The following CUBN variants were observed in gnomAD, a reference collection of about 807,000 sequenced individuals.
CUBN encodes 460 kDa receptor.
CUBN carries 282 observed loss-of-function variants against 405.3 expected under a neutral mutation model. That is an observed-to-expected ratio of 0.70 (90% CI 0.63 to 0.77). The LOEUF (loss-of-function observed/expected upper bound fraction) is 0.77. Ranked by LOEUF, CUBN falls within the 30% of genes least tolerant of loss-of-function variation. CUBN has a pLI of 0.00. For synonymous variants in CUBN, 1,684 were observed against 1,617.0 expected (o/e 1.04, Z -0.99); for missense variants, 4,514 against 4,475.2 (o/e 1.01, Z -0.25).
At chr10:16,848,762 T>C (rs767688256) in intron 60 of CUBN, among the ~76,000 whole-genome samples, 5 of 144,740 alleles carry the variant, frequency 3.5e-5, no homozygotes, top group African/African-American at 5.2e-5. Context: ...TGTGCAGTGA[T>C]GCAATCACGA....
intron 56 of CUBN, among the ~76,000 whole-genome samples, chr10:16,883,116 T>C (rs1427304494): frequency 6.6e-6 from 1 of 151,116 alleles, no homozygotes. Context: ...AAGAAAGAAA[T>C]GGGTTCTAGG....
At chr10:16,903,543 G>A (rs560912367) in intron 51 of CUBN, among the ~76,000 whole-genome samples, 119 of 151,278 alleles carry the variant, frequency 7.9e-4, no homozygotes, top group African/African-American at 2.5e-3. Flanking sequence ...AAACTAATAA[G>A]AGGATAGCTA....
intron 54 of CUBN, among the ~76,000 whole-genome samples, chr10:16,898,330 G>A (rs890958757): frequency 2.0e-5 from 3 of 151,986 alleles, no homozygotes; most frequent in African/African-American, 7.3e-5. Context: ...ATAACTTAAA[G>A]GCCAATTGTT....
At chr10:16,891,952 A>T (rs961399706) in intron 54 of CUBN, among the ~76,000 whole-genome samples, 1 of 152,188 alleles carries the variant, frequency 6.6e-6, no homozygotes, top group Non-Finnish European at 1.5e-5. Flanking sequence ...ATGTAGTTGG[A>T]TGTGTATTAA....
At chr10:17,104,699 T>C in intron 11 of CUBN, 94 bp from the exon 12 acceptor site, 1 of 341,000 alleles carries the variant, frequency 2.9e-6, no homozygotes, top group Non-Finnish European at 5.4e-6. Flanking sequence ...GCCATGGAGA[T>C]ATATAATATA....
Position 16,954,370 on chromosome 10 carries a change from A to G in CUBN, c.4855+19T>C. ...CTGAAGATTTCTCTTGTGCCTGGGAAGATCCACAGGGTACTTGCCTTGCCT... is the reference window on the plus strand; with the variant it reads ...CTGAAGATTTCTCTTGTGCCTGGGAGGATCCACAGGGTACTTGCCTTGCCT... On this transcript the variant is annotated intron_variant, in intron 32 of 66. Coordinates refer to ENST00000377833, the MANE Select transcript of CUBN (RefSeq NM_001081.4). 1.2e-6 allele frequency: 2 copies of G among 1,614,024 alleles called. No individual in the cohort carries two copies. The highest frequency in any genetic ancestry group is 1.7e-6 in the Non-Finnish European group (2 of 1,179,906).
Position 16,907,510 on chromosome 10 carries a change from G to C in CUBN, c.7703C>G (p.Ala2568Gly). 9.3e-6 allele frequency: 15 copies of C among 1,614,000 alleles called. No homozygotes were observed. The highest frequency in any genetic ancestry group is 1.3e-5 in the Non-Finnish European group (15 of 1,179,924). ...FTASYTSSED[A>G]VCGGSLPNTP... ...GCATTTACAACATCCTACATTACCT[G>C]CATCTTCACTGGAGGTATAGGAAGC... is the stretch of plus-strand genomic sequence containing the variant. Residue 2568 changes from alanine to glycine, a missense_variant and splice_region_variant, in exon 49 of 67, where the codon GCA (alanine) becomes GGA (glycine). By Grantham distance (60) the Ala-to-Gly change is moderately conservative (BLOSUM62 0). Around this residue, in one of 5 missense-constraint regions of CUBN, gnomAD observed 1,613 missense variants for 1,542.8 expected, o/e 1.05. Transcript: ENST00000377833.
chr10:17,091,637 A>G (rs926622689), intron 14 of CUBN, among the ~76,000 whole-genome samples: 5 of 152,206 alleles, frequency 3.3e-5, no homozygotes, highest in African/African-American at 1.2e-4. Flanking sequence ...AGAAAGTGCA[A>G]AAGAGGCTTT....
chr10:17,013,892 G>C (rs1274577936), intron 28 of CUBN, among the ~76,000 whole-genome samples: 1 of 152,184 alleles, frequency 6.6e-6, no homozygotes, highest in Non-Finnish European at 1.5e-5. Flanking sequence ...GTCAGGATTA[G>C]CTAAGGGGAC....
intron 31 of CUBN, among the ~76,000 whole-genome samples, chr10:16,978,091 G>A (rs1025122293): frequency 5.3e-5 from 8 of 152,172 alleles, no homozygotes; most frequent in African/African-American, 1.9e-4. Context: ...GATTCACTCA[G>A]GTAACTCAAA....
chr10:16,883,092 G>A (rs1276282383), intron 56 of CUBN, among the ~76,000 whole-genome samples: 2 of 151,920 alleles, frequency 1.3e-5, no homozygotes, highest in African/African-American at 4.8e-5. Flanking sequence ...GAAAGAAAAA[G>A]AAAGGAAGGA....
chr10:17,099,095 A>C (rs1423412895), intron 14 of CUBN, among the ~76,000 whole-genome samples: 1 of 152,168 alleles, frequency 6.6e-6, no homozygotes, highest in Non-Finnish European at 1.5e-5. Context: ...AAAAGAACAA[A>C]GTTGAAATTA....
intron 28 of CUBN, 66 bp from the exon 29 acceptor site, chr10:16,990,581 T>C (rs1833557296): frequency 2.1e-6 from 3 of 1,437,308 alleles, no homozygotes; most frequent in Non-Finnish European, 2.9e-6. Context: ...AATTCCAAAT[T>C]CAACTCACCG....
At chr10:16,905,330 G>A (rs1225784692) in intron 50 of CUBN, among the ~76,000 whole-genome samples, 9 of 152,146 alleles carry the variant, frequency 5.9e-5, no homozygotes, top group Admixed American at 5.9e-4. Context: ...TGAATACAGA[G>A]TTTTAAAAAT....
At chr10:16,914,943 G>T in intron 47 of CUBN, 89 bp downstream of exon 47, 1 of 1,220,460 alleles carries the variant, frequency 8.2e-7, no homozygotes, top group Non-Finnish European at 1.2e-6. Context: ...GTTTTGTTTT[G>T]TTTTTCAAAT....
chr10:16,865,600 G>A (rs1840159344), intron 59 of CUBN, among the ~76,000 whole-genome samples: 2 of 152,022 alleles, frequency 1.3e-5, no homozygotes, highest in African/African-American at 2.4e-5. Context: ...TCAGCGCTCT[G>A]TAGCTAGCAA....
chr10:16,984,160 G>A lies in CUBN; in HGVS notation c.4470C>T (p.Thr1490=), dbSNP rs768720429. The change falls in exon 30 of 67, where the codon ACC becomes ACT. Residue 1490 remains threonine (T), a synonymous_variant. Transcript: ENST00000377833. ...AGCCTCTCCCATTTATGGACAAGTC[G>A]GTCTTGAATCGAATTGCTAGCTCAT... ...TGNELAIRFK[T]DLSINGRGFN... 6.7e-5 allele frequency: 108 copies of A among 1,613,944 alleles called. 2 individuals carry two copies. The highest frequency in any genetic ancestry group is 6.4e-4 in the South Asian group (58 of 91,080).
chr10:17,072,195 A>C (rs1835756308), intron 17 of CUBN, among the ~76,000 whole-genome samples: 1 of 152,192 alleles, frequency 6.6e-6, no homozygotes, highest in South Asian at 2.1e-4. Context: ...AAAGCACAAG[A>C]ATTTAAAGAA....
chr10:17,104,072 T>C (rs749427017), intron 12 of CUBN, among the ~76,000 whole-genome samples: 3 of 152,194 alleles, frequency 2.0e-5, no homozygotes, highest in Non-Finnish European at 4.4e-5. Flanking sequence ...AGTGACTTGA[T>C]TCAATGCAGT....
Sources: allele counts gnomAD v4.1 joint callset (sites outside exome capture counted in the v4.1 genomes callset), GRCh38; gene constraint gnomAD v4.1.1; regional missense constraint gnomAD v4.1.1; transcripts MANE v1.5; gene names NCBI Gene and HGNC (gene_info 2026-07-23, HGNC 2026-07-21).